The following ACER3 variants were observed in gnomAD, a reference collection of about 807,000 sequenced individuals.
The protein encoded by ACER3 is alkCDase 3.
A neutral mutation model predicts 48.9 loss-of-function variants in ACER3; 16 were observed. The observed-to-expected ratio is 0.33, with a 90% CI of 0.22 to 0.50. The LOEUF is 0.50. ACER3 is among the 20% of genes least tolerant of loss of function. ACER3 has a pLI of 0.98. For synonymous variants in ACER3, 109 were observed against 107.8 expected (o/e 1.01, Z -0.07); for missense variants, 227 against 326.0 (o/e 0.70, Z 2.34).
At chr11:76,912,671 A>C (rs1946412639) in intron 1 of ACER3, among the ~76,000 whole-genome samples, 1 of 151,982 alleles carries the variant, frequency 6.6e-6, no homozygotes, top group South Asian at 2.1e-4. Flanking sequence ...AGTAATGTGG[A>C]GGCAGCGCAG....
chr11:76,871,743 AG>A (rs1945245424), intron 1 of ACER3, among the ~76,000 whole-genome samples: 1 of 152,234 alleles, frequency 6.6e-6, no homozygotes, highest in Admixed American at 6.5e-5. Context: ...CGAGCTGGAA[AG>A]GGAAGGGAAT....
chr11:77,002,188 G>A (rs902596397), intron 7 of ACER3, among the ~76,000 whole-genome samples: 4 of 152,024 alleles, frequency 2.6e-5, no homozygotes, highest in Non-Finnish European at 4.4e-5. Flanking sequence ...AAGTACAGGG[G>A]GTTAGGACTT....
At chr11:77,013,342 C>T (rs1293207028) in intron 7 of ACER3, among the ~76,000 whole-genome samples, 1 of 152,018 alleles carries the variant, frequency 6.6e-6, no homozygotes, top group African/African-American at 2.4e-5. Flanking sequence ...CTTGGAGAAA[C>T]TACTTGCAAA....
In ACER3 at chr11:77,024,272, C is replaced by CAAATAAAAAAA. The variant is rs1949517558; in HGVS notation, c.*3948_*3949insTAAAAAAAAAA. The stretch of plus-strand genomic sequence containing the variant: ...TGGGCAACAGAGTGAGACCCTGTCT[C>CAAATAAAAAAA]AAAAAAAAAAAAAAAAAAAAAAAAA... On this transcript the variant is annotated 3_prime_UTR_variant, in exon 11 of 11. Coordinates refer to ENST00000532485, the MANE Select transcript of ACER3 (RefSeq NM_018367.7). The CAAATAAAAAAA allele has an allele frequency of 1.9e-5, 1 of 53,902 alleles. No homozygotes were observed. The highest frequency in any genetic ancestry group is 4.7e-5 in the Non-Finnish European group (1 of 21,326). 3.3% of individuals were successfully genotyped at this position (53,902 alleles called of 1,614,324 possible).
chr11:76,975,961 C>G (rs541994487), intron 3 of ACER3, among the ~76,000 whole-genome samples: 1 of 145,142 alleles, frequency 6.9e-6, no homozygotes, highest in South Asian at 2.1e-4. Context: ...CTCACTGCAG[C>G]CTCGACCTCT....
At chr11:76,900,780 T>A (rs1338207024) in intron 1 of ACER3, among the ~76,000 whole-genome samples, 4 of 152,230 alleles carry the variant, frequency 2.6e-5, no homozygotes, top group African/African-American at 9.6e-5. Context: ...GAAGCACTCA[T>A]TTCCATCAAG....
chr11:76,875,104 C>CTTTTTTT (rs1403847569), intron 1 of ACER3, among the ~76,000 whole-genome samples: 2 of 50,508 alleles, frequency 4.0e-5, no homozygotes, highest in Admixed American at 1.7e-4. Flanking sequence ...ATGAAAAGCA[C>CTTTTTTT]TTCTTTTTTT....
chr11:76,862,285 CA>C (rs11325230), intron 1 of ACER3, among the ~76,000 whole-genome samples: 16,121 of 145,076 alleles, frequency 0.11, 2,774 homozygotes, highest in African/African-American at 0.38. Context: ...GGCTAAGTTT[CA>C]AAAAAAAAAA....
At chr11:76,965,504 T>G (rs557015813) in intron 3 of ACER3, among the ~76,000 whole-genome samples, 1 of 150,998 alleles carries the variant, frequency 6.6e-6, no homozygotes. Flanking sequence ...GACACATAAC[T>G]CTCAGATTCA....
chr11:76,981,200 A>G (rs1173894070), intron 4 of ACER3, among the ~76,000 whole-genome samples: 1 of 152,246 alleles, frequency 6.6e-6, no homozygotes, highest in Non-Finnish European at 1.5e-5. Flanking sequence ...TAAAAAGAGC[A>G]TGCAAAGCTT....
intron 1 of ACER3, among the ~76,000 whole-genome samples, chr11:76,873,041 A>G (rs1379023552): frequency 6.6e-6 from 1 of 150,506 alleles, no homozygotes; most frequent in Non-Finnish European, 1.5e-5. Flanking sequence ...ACTCCCGAAT[A>G]GCTAGCACTA....
chr11:76,917,472 G>T (rs532124600), intron 1 of ACER3, among the ~76,000 whole-genome samples: 1 of 152,202 alleles, frequency 6.6e-6, no homozygotes, highest in South Asian at 2.1e-4. Flanking sequence ...CCAGCACTTT[G>T]GGGGGCTGAG....
chr11:76,864,846 T>TA (rs1945033486), intron 1 of ACER3, among the ~76,000 whole-genome samples: 1 of 92,478 alleles, frequency 1.1e-5, no homozygotes, highest in Non-Finnish European at 3.3e-5. Flanking sequence ...GTGATCCACC[T>TA]GTTCAGCCTC....
chr11:77,016,330 T>G (rs1949369210), intron 8 of ACER3, among the ~76,000 whole-genome samples: 1 of 152,098 alleles, frequency 6.6e-6, no homozygotes, highest in Admixed American at 6.5e-5. Flanking sequence ...ATTATTATCT[T>G]TAGGTGTGAA....
rs11406980 is a variant in ACER3, at chr11:76,954,611, C to CTT, written c.215-4360_215-4359dup. Among the ~76,000 whole-genome samples, 82 of 145,042 alleles carry CTT rather than the reference C, an allele frequency of 5.7e-4. No homozygotes were observed. In the East Asian group the frequency reaches 8.7e-3, roughly 15 times the overall value. On this transcript the variant is annotated intron_variant, in intron 2 of 10. Transcript: ENST00000532485. ...GGTTGGTTTTTTTTTTTGTTTTTTG[C>CTT]TTTTTTTTTGACAAGATTTCACTCT...
chr11:76,867,916 G>A (rs1238066563), intron 1 of ACER3, among the ~76,000 whole-genome samples: 1 of 152,198 alleles, frequency 6.6e-6, no homozygotes, highest in Non-Finnish European at 1.5e-5. Flanking sequence ...GAAGTGGGCA[G>A]AAGGAAAGTA....
chr11:76,950,534 T>C (rs1947635416), intron 2 of ACER3, among the ~76,000 whole-genome samples: 1 of 151,060 alleles, frequency 6.6e-6, no homozygotes, highest in South Asian at 2.1e-4. Flanking sequence ...CAATCATGGC[T>C]CACTGCAGCC....
In ACER3 at chr11:76,941,490, TTTA is replaced by T. The variant is rs545284144; in HGVS notation, c.214+14832_214+14834del. ...AGATAATTTTAATTTTTTATTTTTA[TTTA>T]TTATTATTTTTTGAGACAGAGTCTT... On this transcript the variant is annotated intron_variant, in intron 2 of 10. Coordinates refer to ENST00000532485, the MANE Select transcript of ACER3 (RefSeq NM_018367.7). Among the ~76,000 whole-genome samples, 967 of 152,148 alleles carry T rather than the reference TTTA, an allele frequency of 6.4e-3. 5 individuals are homozygous for T. Among genetic ancestry groups the T allele is most frequent in the Non-Finnish European group, 0.011 (719 of 67,972 alleles).
chr11:76,964,920 AATGCAGCTCCTCAC>A (rs1248017571), intron 3 of ACER3, among the ~76,000 whole-genome samples: 4 of 151,398 alleles, frequency 2.6e-5, no homozygotes, highest in Non-Finnish European at 1.5e-5. Flanking sequence ...CCTCCAAAGG[AATGCAGCTCCTCAC>A]CAGCAATGGA....
Sources: gnomAD v4.1 joint callset for allele counts (sites outside exome capture counted in the v4.1 genomes callset) on GRCh38, gnomAD v4.1.1 for gene constraint, MANE v1.5 for transcripts, NCBI Gene and HGNC (gene_info 2026-07-23, HGNC 2026-07-21) for gene names.